Variants in ANKS1B observed in about 807,000 individuals in gnomAD.
ANKS1B encodes the protein ankyrin repeat and sterile alpha motif domain containing 1B.
ANKS1B carries 36 observed loss-of-function variants against 148.3 expected under a neutral mutation model. That is an observed-to-expected ratio of 0.24 (90% CI 0.19 to 0.32). The LOEUF (loss-of-function observed/expected upper bound fraction) is 0.32, where lower values mean the gene tolerates loss of function less well. Among genes scored for constraint, ANKS1B ranks in the 10% least tolerant of loss-of-function variants. The pLI is 1.00. For synonymous variants in ANKS1B, 542 were observed against 560.8 expected (o/e 0.97, Z 0.47); for missense variants, 1,157 against 1,542.6 (o/e 0.75, Z 4.19).
chr12:99,963,925 T>A (rs561734664), intron 1 of ANKS1B, among the ~76,000 whole-genome samples: 2 of 152,336 alleles, frequency 1.3e-5, no homozygotes, highest in East Asian at 3.9e-4. Context: ...CAAACTCAAC[T>A]TCTTCAGTGA....
At chr12:99,783,231 T>C (rs368137661) in intron 4 of ANKS1B, among the ~76,000 whole-genome samples, 21 of 150,454 alleles carry the variant, frequency 1.4e-4, no homozygotes, top group African/African-American at 4.9e-4. Flanking sequence ...AGAAAATGCA[T>C]TTAAACACAG....
At chr12:99,881,734 C>T (rs965254201) in intron 1 of ANKS1B, among the ~76,000 whole-genome samples, 6 of 152,282 alleles carry the variant, frequency 3.9e-5, no homozygotes, top group African/African-American at 7.2e-5. Context: ...CGTTTGAAAA[C>T]GAATTGACAC....
intron 8 of ANKS1B, among the ~76,000 whole-genome samples, chr12:99,749,500 C>T (rs1425449850): frequency 6.6e-6 from 1 of 152,066 alleles, no homozygotes; most frequent in Non-Finnish European, 1.5e-5. Flanking sequence ...TGCGCTAACA[C>T]ATTCCTTTTC....
chr12:99,389,539 A>G lies in ANKS1B; in HGVS notation c.1756+10092T>C, dbSNP rs78266890. On this transcript the variant is annotated intron_variant, in intron 12 of 26. Transcript: ENST00000683438. ...TCTCACAGCTTTATTTTTAACTTTA[A>G]TGATCACACATATATCACACAAATA... Among the ~76,000 whole-genome samples the G allele has an allele frequency of 3.8e-3, 584 of 152,324 alleles. 37 individuals are homozygous for G. In the East Asian group the frequency reaches 0.087, roughly 23 times the overall value.
chr12:99,746,877 A>G (rs2060646491), intron 8 of ANKS1B, among the ~76,000 whole-genome samples: 1 of 152,118 alleles, frequency 6.6e-6, no homozygotes, highest in Non-Finnish European at 1.5e-5. Flanking sequence ...ACATTCAAGC[A>G]GTTTTTTAAA....
chr12:99,087,499 C>A (rs1483099235), intron 15 of ANKS1B, among the ~76,000 whole-genome samples: 1 of 152,124 alleles, frequency 6.6e-6, no homozygotes, highest in African/African-American at 2.4e-5. Flanking sequence ...GGAAATATTG[C>A]TCTCAAGAAA....
intron 9 of ANKS1B, among the ~76,000 whole-genome samples, chr12:99,602,751 G>A (rs751931269): frequency 2.0e-5 from 3 of 152,082 alleles, no homozygotes; most frequent in Non-Finnish European, 4.4e-5. Context: ...TATCAAGCCA[G>A]AAGGGTGGGA....
intron 14 of ANKS1B, among the ~76,000 whole-genome samples, chr12:99,239,784 T>C (rs747950003): frequency 3.3e-5 from 5 of 152,176 alleles, no homozygotes; most frequent in African/African-American, 4.8e-5. Flanking sequence ...AAGAAAAGAA[T>C]TTTCAACCCA....
At chr12:99,145,260 G>C (rs765125037) in intron 15 of ANKS1B, among the ~76,000 whole-genome samples, 18 of 152,172 alleles carry the variant, frequency 1.2e-4, no homozygotes, top group Non-Finnish European at 2.4e-4. Context: ...CAAGAAGCAA[G>C]AGTTCTGGGC....
At chr12:99,827,051 C>T (rs903913149) in intron 1 of ANKS1B, among the ~76,000 whole-genome samples, 1 of 151,662 alleles carries the variant, frequency 6.6e-6, no homozygotes, top group Non-Finnish European at 1.5e-5. Flanking sequence ...CCTGGGAGGT[C>T]GAGGCTGCAG....
intron 12 of ANKS1B, among the ~76,000 whole-genome samples, chr12:99,327,223 T>C (rs1315966702): frequency 2.6e-5 from 3 of 116,688 alleles, no homozygotes; most frequent in Non-Finnish European, 4.9e-5. Flanking sequence ...TATAATATAA[T>C]TTATAATTAT....
intron 24 of ANKS1B, among the ~76,000 whole-genome samples, chr12:98,776,460 G>A (rs2098676233): frequency 6.6e-6 from 1 of 152,180 alleles, no homozygotes; most frequent in Non-Finnish European, 1.5e-5. Flanking sequence ...CCTCTTCTTG[G>A]GGATAGAAAT....
At chr12:99,005,283 T>G (rs984917856) in intron 17 of ANKS1B, among the ~76,000 whole-genome samples, 9 of 151,826 alleles carry the variant, frequency 5.9e-5, no homozygotes, top group Admixed American at 5.2e-4. Context: ...GCGTCGCTGT[T>G]GTTGCTGTGG....
intron 9 of ANKS1B, among the ~76,000 whole-genome samples, chr12:99,579,881 C>G (rs2097553846): frequency 6.7e-6 from 1 of 149,630 alleles, no homozygotes; most frequent in Non-Finnish European, 1.5e-5. Context: ...ATCGTTCCAC[C>G]AAAAAAAAAT....
chr12:99,124,578 G>C (rs905736323), intron 15 of ANKS1B, among the ~76,000 whole-genome samples: 2 of 152,202 alleles, frequency 1.3e-5, no homozygotes, highest in African/African-American at 4.8e-5. Flanking sequence ...AGATGTCTGG[G>C]CTAAAGATAC....
intron 12 of ANKS1B, among the ~76,000 whole-genome samples, chr12:99,280,914 C>T (rs543656158): frequency 6.6e-6 from 1 of 151,848 alleles, no homozygotes; most frequent in Non-Finnish European, 1.5e-5. Context: ...CGTACACACA[C>T]ACACGTGCGC....
chr12:98,769,165 CTTTTT>C lies in ANKS1B; in HGVS notation c.3579+3872_3579+3876del, dbSNP rs1182264550. On this transcript the variant is annotated intron_variant, in intron 25 of 26. Coordinates refer to ENST00000683438, the MANE Select transcript of ANKS1B (RefSeq NM_001352186.2). ...TTGAGGTATTATAGGGTCTTCTTTA[CTTTTT>C]TTTTTTTTTTTTTTTTTTTTTTTTG... is the stretch of plus-strand genomic sequence containing the variant. 7.6e-3 allele frequency among the ~76,000 whole-genome samples: 314 copies of C among 41,214 alleles called. 2 individuals carry two copies. The highest frequency in any genetic ancestry group is 0.011 in the Non-Finnish European group (249 of 22,910). The allele number at this position is 41,214 out of a possible 152,430, so 27.0% of individuals were successfully genotyped here.
At chr12:99,278,441 C>T (rs906717167) in intron 12 of ANKS1B, among the ~76,000 whole-genome samples, 1 of 152,234 alleles carries the variant, frequency 6.6e-6, no homozygotes, top group African/African-American at 2.4e-5. Context: ...GGGGATGTGT[C>T]TGTTCCCACA....
At chr12:99,225,273 C>T (rs566288120) in intron 14 of ANKS1B, among the ~76,000 whole-genome samples, 2 of 152,022 alleles carry the variant, frequency 1.3e-5, no homozygotes, top group East Asian at 1.9e-4. Context: ...TTTCTCTACA[C>T]GCCTTGATAA....
Sources: gnomAD v4.1 joint callset for allele counts (sites outside exome capture counted in the v4.1 genomes callset) on GRCh38, gnomAD v4.1.1 for gene constraint, MANE v1.5 for transcripts, NCBI Gene and HGNC (gene_info 2026-07-23, HGNC 2026-07-21) for gene names.